The following SLC17A8 variants were observed in gnomAD, a reference collection of about 807,000 sequenced individuals.
SLC17A8 encodes the protein vesicular glutamate transporter 3.
SLC17A8 carries 31 observed loss-of-function variants against 58.0 expected under a neutral mutation model. The observed-to-expected ratio is 0.53, with a 90% confidence interval of 0.40 to 0.72. The LOEUF is 0.72. Ranked by LOEUF, SLC17A8 falls within the 30% of genes least tolerant of loss-of-function variation. The probability of loss-of-function intolerance (pLI) is 0.00; values close to 1 mark genes in which losing one functional copy is unlikely to be tolerated. For synonymous variants in SLC17A8, 228 were observed against 249.0 expected (o/e 0.92, Z 0.79); for missense variants, 655 against 727.8 (o/e 0.90, Z 1.15).
In SLC17A8 at chr12:100,376,716, A is replaced by G. The variant is rs191454361; in HGVS notation, c.102-3985A>G. Among the ~76,000 whole-genome samples, 6 of 152,348 alleles carry G rather than the reference A, an allele frequency of 3.9e-5. No individual in the cohort carries two copies. In the East Asian group the frequency reaches 5.8e-4, roughly 15 times the overall value. ...GAGAGAACTGAATTTGCCTCATACA[A>G]TATTACTGTGGTTGTTACATATTAT... On this transcript the variant is annotated intron_variant, in intron 1 of 11. Coordinates refer to ENST00000323346, the MANE Select transcript of SLC17A8 (RefSeq NM_139319.3).
At chr12:100,403,995 T>C in intron 8 of SLC17A8, 43 bp from the exon 9 acceptor site, 8 of 1,613,334 alleles carry the variant, frequency 5.0e-6, no homozygotes, top group African/African-American at 1.3e-5. Flanking sequence ...GGCCCCTCTC[T>C]CAGAAATAAT....
intron 2 of SLC17A8, among the ~76,000 whole-genome samples, chr12:100,387,511 T>C (rs1471529394): frequency 6.6e-6 from 1 of 152,202 alleles, no homozygotes; most frequent in Non-Finnish European, 1.5e-5. Context: ...ATGTATTATT[T>C]CTTTCAGAGA....
In SLC17A8 at chr12:100,396,400, C is replaced by T; in HGVS notation, c.659C>T (p.Ala220Val). ...CCACCTTTGGAGAGAAGCCGACTGGCCACAACCTCTTTTTGTGGTGGGTAT... is the reference window on the plus strand; with the variant it reads ...CCACCTTTGGAGAGAAGCCGACTGGTCACAACCTCTTTTTGTGGTGGGTAT... Reference protein sequence around the residue: ...WAPPLERSRLATTSFCGSYAG... With the variant: ...WAPPLERSRLVTTSFCGSYAG... Residue 220 changes from alanine (A) to valine (V), a missense_variant, in exon 5 of 12, where the codon GCC (alanine) becomes GTC (valine). Coordinates refer to ENST00000323346, the MANE Select transcript of SLC17A8 (RefSeq NM_139319.3). 1 of 1,613,868 alleles carries T rather than the reference C, an allele frequency of 6.2e-7. No homozygotes were observed. Among genetic ancestry groups the T allele is most frequent in the Non-Finnish European group, 8.5e-7 (1 of 1,179,830 alleles).
chr12:100,361,151 G>A (rs142966596), intron 1 of SLC17A8, among the ~76,000 whole-genome samples: 2 of 152,304 alleles, frequency 1.3e-5, no homozygotes, highest in Admixed American at 1.3e-4. Flanking sequence ...GCAATGGGGT[G>A]ACTCTAGGAA....
intron 1 of SLC17A8, among the ~76,000 whole-genome samples, chr12:100,368,194 G>T (rs1952533363): frequency 6.6e-6 from 1 of 152,104 alleles, no homozygotes. Context: ...CAAGGTGTTG[G>T]CAGGGCCAAG....
At chr12:100,396,253 A>G in intron 4 of SLC17A8, 77 bp from the exon 5 acceptor site, 1 of 1,145,856 alleles carries the variant, frequency 8.7e-7, no homozygotes, top group Non-Finnish European at 1.3e-6. Flanking sequence ...GCCTGTGTGA[A>G]GAAGCAGCAT....
chr12:100,399,804 C>G (rs1952779105), intron 5 of SLC17A8, among the ~76,000 whole-genome samples: 1 of 152,002 alleles, frequency 6.6e-6, no homozygotes, highest in Admixed American at 6.6e-5. Context: ...TAAAGTTTCC[C>G]CAATGATAGA....
chr12:100,385,088 G>A (rs1454813354), intron 2 of SLC17A8, among the ~76,000 whole-genome samples: 2 of 151,770 alleles, frequency 1.3e-5, no homozygotes, highest in Non-Finnish European at 2.9e-5. Flanking sequence ...ATCTCTGTGG[G>A]TTTGGGTTGC....
chr12:100,389,590 T>A (rs1952699324), intron 2 of SLC17A8, among the ~76,000 whole-genome samples: 1 of 151,064 alleles, frequency 6.6e-6, no homozygotes. Flanking sequence ...TACACACACA[T>A]TATATATATT....
intron 1 of SLC17A8, among the ~76,000 whole-genome samples, chr12:100,364,240 C>T (rs1952504031): frequency 6.6e-6 from 1 of 152,040 alleles, no homozygotes; most frequent in Non-Finnish European, 1.5e-5. Context: ...ACACTGAATC[C>T]TCAGATAGTG....
Position 100,420,341 on chromosome 12 carries a change from A to T in SLC17A8, c.*182A>T. ...CATGTATAGGTAAGGAGCTGCGCTC[A>T]GTTGATAACATAGTTGATAATACAT... On this transcript the variant is annotated 3_prime_UTR_variant, in exon 12 of 12. Coordinates refer to ENST00000323346, the MANE Select transcript of SLC17A8 (RefSeq NM_139319.3). 1 of 594,946 alleles carries T rather than the reference A, an allele frequency of 1.7e-6. No individual in the cohort carries two copies. The highest frequency in any genetic ancestry group is 3.0e-6 in the Non-Finnish European group (1 of 335,600). The allele number at this position is 594,946 out of a possible 1,614,324, so 36.9% of individuals were successfully genotyped here. A position where few individuals can be genotyped will look rare whatever the true frequency, so the allele number is the denominator to read the frequency against.
Position 100,380,877 on chromosome 12 carries a change from G to A in SLC17A8, c.278G>A (p.Arg93Gln), listed in dbSNP as rs374200589. 4.3e-6 allele frequency: 7 copies of A among 1,614,082 alleles called. No homozygotes were observed. The highest frequency in any genetic ancestry group is 3.3e-5 in the South Asian group (3 of 91,072). ...GLGFCISFGIRCNLGVAIVEM... is the reference protein window; with the variant it reads ...GLGFCISFGIQCNLGVAIVEM... The stretch of plus-strand genomic sequence containing the variant: ...GGATTCTGCATTTCCTTTGGGATCC[G>A]GTGCAATCTTGGAGTTGCCATTGTG... The change falls in exon 2 of 12, where the codon CGG becomes CAG. Residue 93 changes from arginine (R) to glutamine (Q), a missense_variant. Transcript: ENST00000323346.
chr12:100,376,821 T>C (rs1320172904), intron 1 of SLC17A8, among the ~76,000 whole-genome samples: 1 of 152,122 alleles, frequency 6.6e-6, no homozygotes, highest in Non-Finnish European at 1.5e-5. Context: ...TTTCTTTTCT[T>C]TTTTTTGAGA....
rs542104142 is a variant in SLC17A8, at chr12:100,406,834, C to A, written c.1186+2664C>A. Among the ~76,000 whole-genome samples, 402 of 152,240 alleles carry A rather than the reference C, an allele frequency of 2.6e-3. 8 individuals carry two copies. Among genetic ancestry groups the A allele is most frequent in the South Asian group, 0.011 (51 of 4,814 alleles). ...TACAGGCATGAGCCACCTCGCCTGGCCTTGCTTATTTATTTTTAATCTGGG... is the reference window on the plus strand; with the variant it reads ...TACAGGCATGAGCCACCTCGCCTGGACTTGCTTATTTATTTTTAATCTGGG... On this transcript the variant is annotated intron_variant, in intron 9 of 11. Coordinates refer to ENST00000323346, the MANE Select transcript of SLC17A8 (RefSeq NM_139319.3).
chr12:100,377,826 G>A (rs973777484), intron 1 of SLC17A8, among the ~76,000 whole-genome samples: 1 of 152,122 alleles, frequency 6.6e-6, no homozygotes, highest in African/African-American at 2.4e-5. Context: ...GACCTCAGGT[G>A]ATCTACCTGC....
At chr12:100,399,038 T>C (rs2136002097) in intron 5 of SLC17A8, among the ~76,000 whole-genome samples, 1 of 152,334 alleles carries the variant, frequency 6.6e-6, no homozygotes, top group East Asian at 1.9e-4. Context: ...CTTGGGTTTG[T>C]CTTTATCAGC....
intron 9 of SLC17A8, among the ~76,000 whole-genome samples, chr12:100,409,148 TGTATG>T (rs1952847700): frequency 1.4e-4 from 2 of 14,348 alleles, no homozygotes; most frequent in African/African-American, 1.1e-3. Context: ...TTAAACGTTA[TGTATG>T]TATGTATGTA....
chr12:100,389,421 A>C (rs1451489740), intron 2 of SLC17A8, among the ~76,000 whole-genome samples: 1 of 152,152 alleles, frequency 6.6e-6, no homozygotes, highest in Non-Finnish European at 1.5e-5. Context: ...TAAGACTCTA[A>C]TTCTCTTTGT....
At chr12:100,373,616 G>T (rs540510597) in intron 1 of SLC17A8, among the ~76,000 whole-genome samples, 4 of 123,614 alleles carry the variant, frequency 3.2e-5, no homozygotes, top group African/African-American at 1.2e-4. Context: ...ACAGAGTCTC[G>T]CTCTGTCACC....
Sources: gnomAD v4.1 joint callset for allele counts (sites outside exome capture counted in the v4.1 genomes callset) on GRCh38, gnomAD v4.1.1 for gene constraint, MANE v1.5 for transcripts, NCBI Gene and HGNC (gene_info 2026-07-23, HGNC 2026-07-21) for gene names.